The following ZNF773 variants were observed in gnomAD, a reference collection of about 807,000 sequenced individuals.
ZNF773 encodes zinc finger protein 773, also known as zinc finger protein 419B.
ZNF773 carries 11 observed loss-of-function variants against 12.8 expected under a neutral mutation model. The ratio of observed to expected loss-of-function variants is 0.86; its 90% CI spans 0.54 to 1.42. The LOEUF (loss-of-function observed/expected upper bound fraction) is 1.42, where lower values mean the gene tolerates loss of function less well. ZNF773 is among the 40% of genes most tolerant of loss of function. The probability of loss-of-function intolerance (pLI) is 0.00; values close to 1 mark genes in which losing one functional copy is unlikely to be tolerated. For missense variants in ZNF773, 518 were observed against 527.2 expected, an observed-to-expected ratio of 0.98 and a Z score of 0.17; for synonymous variants, 175 against 178.4, an observed-to-expected ratio of 0.98 and a Z score of 0.15.
In ZNF773 at chr19:57,506,954, A is replaced by G; in HGVS notation, c.859A>G (p.Asn287Asp). The change falls in exon 4 of 4, where the codon AAT becomes GAT. Residue 287 changes from asparagine (N) to aspartate (D), a missense_variant. Asn to Asp is a conservative substitution (Grantham distance 23). Coordinates refer to ENST00000282292, the MANE Select transcript of ZNF773 (RefSeq NM_198542.3). ...TGAATGTGGAAAAGCTTTCAGGCAT[A>G]ATTCCACACTTGTTCAGCATCACAG... ...CSECGKAFRHNSTLVQHHRIH... is the reference protein window; with the variant it reads ...CSECGKAFRHDSTLVQHHRIH... 1 of 1,614,232 alleles carries G rather than the reference A, an allele frequency of 6.2e-7. No individual in the cohort carries two copies. Among genetic ancestry groups the G allele is most frequent in the East Asian group, 2.2e-5 (1 of 44,892 alleles).
At chr19:57,515,543 A>G (rs1176115742), downstream of ZNF773, 1 of 152,210 alleles carries the variant, frequency 6.6e-6, no homozygotes, top group Non-Finnish European at 1.5e-5. Flanking sequence ...TGTTCATGTG[A>G]CTACAGACAC....
chr19:57,500,288 G>A (rs1013901148), intron 1 of ZNF773, among the ~76,000 whole-genome samples, 175 bp downstream of exon 1: 1 of 152,068 alleles, frequency 6.6e-6, no homozygotes, highest in Admixed American at 6.6e-5. Context: ...GATGTGAGGC[G>A]CATTCAGCGA....
downstream of ZNF773, among the ~76,000 whole-genome samples, chr19:57,511,140 C>T (rs563876329): frequency 3.3e-5 from 5 of 151,740 alleles, 1 homozygote; most frequent in Middle Eastern, 0.01. Flanking sequence ...GTGTCTGCCC[C>T]CTGGGATTCA....
chr19:57,510,105 T>G (rs1307203183), downstream of ZNF773, among the ~76,000 whole-genome samples: 2 of 152,218 alleles, frequency 1.3e-5, no homozygotes, highest in Non-Finnish European at 2.9e-5. Context: ...TTCCCTTTCT[T>G]TCTTGTTGTA....
chr19:57,510,568 A>T (rs769470456), downstream of ZNF773, among the ~76,000 whole-genome samples: 2 of 152,196 alleles, frequency 1.3e-5, no homozygotes, highest in Non-Finnish European at 2.9e-5. Context: ...CTTTATTTAC[A>T]TATAACATGA....
downstream of ZNF773, chr19:57,508,373 G>A: frequency 2.7e-6 from 2 of 751,744 alleles, no homozygotes; most frequent in African/African-American, 1.8e-5. Flanking sequence ...GTTTGGAGTT[G>A]GGGGAGGAAA....
At chr19:57,514,509 T>C (rs2360756), downstream of ZNF773, 31,463 of 152,174 alleles carry the variant, frequency 0.21, 3,381 homozygotes, top group African/African-American at 0.25. Flanking sequence ...ACATGCCACC[T>C]GGTTACAGCC....
Position 57,507,595 on chromosome 19 carries a change from A to T in ZNF773, c.*171A>T, listed in dbSNP as rs2089756014. 10 of 1,421,628 alleles carry T rather than the reference A, an allele frequency of 7.0e-6. No homozygotes were observed. The highest frequency in any genetic ancestry group is 9.1e-6 in the Non-Finnish European group (10 of 1,095,750). 88.1% of individuals were successfully genotyped at this position (1,421,628 alleles called of 1,614,324 possible). ...TGTAGTGAATATGGTAAAAGGCCTCAGCCAAAGGCCTAACCGTATTCAACA... is the reference window on the plus strand; with the variant it reads ...TGTAGTGAATATGGTAAAAGGCCTCTGCCAAAGGCCTAACCGTATTCAACA... On this transcript the variant is annotated 3_prime_UTR_variant, in exon 4 of 4. Coordinates refer to ENST00000282292, the MANE Select transcript of ZNF773 (RefSeq NM_198542.3).
chr19:57,506,821 T>A lies in ZNF773; in HGVS notation c.726T>A (p.Thr242=). 2.5e-6 allele frequency: 4 copies of A among 1,614,224 alleles called. No individual in the cohort carries two copies. The highest frequency in any genetic ancestry group is 2.5e-6 in the Non-Finnish European group (3 of 1,180,042). ...SNLFIHQIVH[T]GERPYGCSDC... is the part of the protein sequence containing the mutation. ...TTTTTATACACCAAATAGTTCACAC[T>A]GGAGAAAGGCCTTATGGGTGTAGTG... Residue 242 remains threonine, a synonymous_variant, in exon 4 of 4, where the codon ACT becomes ACA. Coordinates refer to ENST00000282292, the MANE Select transcript of ZNF773 (RefSeq NM_198542.3).
At position 57,507,868 on chromosome 19, in the gene ZNF773, G is replaced by A. The variant is rs542509539; in HGVS notation, c.*444G>A. 61 of 251,770 alleles carry A rather than the reference G, an allele frequency of 2.4e-4. No homozygotes were observed. In the South Asian group the frequency reaches 6.7e-3, roughly 28 times the overall value. The allele number at this position is 251,770 out of a possible 1,614,324, so 15.6% of individuals were successfully genotyped here. On this transcript the variant is annotated 3_prime_UTR_variant, in exon 4 of 4. Transcript: ENST00000282292. ...GGCGCCTGTAGTCCCAGCTACTCAG[G>A]AGGCTGAGGCAGAAGAATGGCATGA...
At chr19:57,505,845 G>A (rs1209483638) in intron 3 of ZNF773, among the ~76,000 whole-genome samples, 3 of 151,770 alleles carry the variant, frequency 2.0e-5, no homozygotes, top group Admixed American at 1.3e-4. Flanking sequence ...TAGTAGCCAG[G>A]ACTACAGGCG....
downstream of ZNF773, chr19:57,513,872 G>C (rs1254806977): frequency 6.6e-6 from 1 of 151,692 alleles, no homozygotes; most frequent in South Asian, 2.1e-4. Context: ...CAAGAGACTG[G>C]CCTCTTGTAG....
At chr19:57,508,528 C>T (rs751171881), downstream of ZNF773, 418 of 700,664 alleles carry the variant, frequency 6.0e-4, no homozygotes, top group Middle Eastern at 1.6e-3. Context: ...AGTTTGGCTG[C>T]GTAACAGGTC....
chr19:57,517,597 A>G (rs1266064752), downstream of ZNF773: 6 of 152,310 alleles, frequency 3.9e-5, no homozygotes, highest in East Asian at 1.2e-3. Context: ...CAGAAGTGGC[A>G]ATGTTAAAGA....
Position 57,500,907 on chromosome 19 carries a change from G to C in ZNF773, c.33+794G>C, listed in dbSNP as rs372461156. On this transcript the variant is annotated intron_variant, in intron 1 of 3. Coordinates refer to ENST00000282292, the MANE Select transcript of ZNF773 (RefSeq NM_198542.3). ...CTGAGGTGAGGGAAGGGAGAGATGG[G>C]CCTGTAGGATGGGGCAGCCTCTACA... Among the ~76,000 whole-genome samples, 39 of 152,252 alleles carry C rather than the reference G, an allele frequency of 2.6e-4. 2 individuals carry two copies. The East Asian group carries it at 4.1e-3, about 16-fold the overall frequency.
chr19:57,514,683 C>T (rs1044146473), downstream of ZNF773: 1 of 152,166 alleles, frequency 6.6e-6, no homozygotes, highest in Admixed American at 6.5e-5. Flanking sequence ...CAACTTATAA[C>T]AATAGGTAGG....
At chr19:57,512,119 C>T (rs1011747835), downstream of ZNF773, among the ~76,000 whole-genome samples, 2 of 152,110 alleles carry the variant, frequency 1.3e-5, no homozygotes, top group Admixed American at 1.3e-4. Flanking sequence ...CCTTAAATAA[C>T]ACAGGTTTGA....
At chr19:57,506,297 A>G (rs2089732357) in intron 3 of ZNF773, 61 bp from the exon 4 acceptor site, 1 of 1,552,276 alleles carries the variant, frequency 6.4e-7, no homozygotes, top group Non-Finnish European at 8.7e-7. Context: ...GACACGTGTG[A>G]GAGTGCTGCC....
At chr19:57,515,837 C>T (rs923590594), downstream of ZNF773, 2 of 152,196 alleles carry the variant, frequency 1.3e-5, no homozygotes, top group Non-Finnish European at 2.9e-5. Flanking sequence ...AGGAGACCAG[C>T]TACCACCTCA....
Sources: allele counts gnomAD v4.1 joint callset (sites outside exome capture counted in the v4.1 genomes callset), GRCh38; gene constraint gnomAD v4.1.1; transcripts MANE v1.5; gene names NCBI Gene and HGNC (gene_info 2026-07-23, HGNC 2026-07-21).